The following EXOC4 variants were observed in gnomAD, a reference collection of about 807,000 sequenced individuals.
EXOC4 encodes the protein SEC8-like 1.
EXOC4 carries 71 observed loss-of-function variants against 107.2 expected under a neutral mutation model. The ratio of observed to expected loss-of-function variants is 0.66; its 90% CI spans 0.55 to 0.81. The LOEUF is 0.81. Among genes scored for constraint, EXOC4 ranks in the 30% least tolerant of loss-of-function variants. The pLI is 0.00. For synonymous variants in EXOC4, 456 were observed against 441.2 expected (o/e 1.03, Z -0.42); for missense variants, 1,108 against 1,189.6 (o/e 0.93, Z 1.01).
intron 14 of EXOC4, among the ~76,000 whole-genome samples, chr7:133,971,357 TATATAG>T (rs1303476873): frequency 2.6e-3 from 262 of 100,494 alleles, no homozygotes; most frequent in South Asian, 0.011. Context: ...TATATATATA[TATATAG>T]AGAGAGAGAG....
chr7:133,512,440 A>G (rs1799788691), intron 9 of EXOC4, among the ~76,000 whole-genome samples: 3 of 151,760 alleles, frequency 2.0e-5, no homozygotes, highest in Admixed American at 6.6e-5. Context: ...AAAAAAAAAA[A>G]GAAAATACAT....
chr7:133,669,129 A>G (rs1227997023), intron 10 of EXOC4, among the ~76,000 whole-genome samples: 8 of 148,958 alleles, frequency 5.4e-5, no homozygotes, highest in Non-Finnish European at 8.9e-5. Context: ...TCTCTTCCCC[A>G]TTACCACTAC....
At chr7:133,435,710 G>C (rs1296996770) in intron 7 of EXOC4, among the ~76,000 whole-genome samples, 1 of 152,006 alleles carries the variant, frequency 6.6e-6, no homozygotes, top group Non-Finnish European at 1.5e-5. Flanking sequence ...CTCTATCCTA[G>C]TCCCATCCAT....
At chr7:134,073,249 C>T in the EXOC4 span, among the ~76,000 whole-genome samples, 1 of 116,766 alleles carries the variant, frequency 8.6e-6, no homozygotes, top group East Asian at 2.5e-4. Context: ...AGAAAGGCCC[C>T]AGGCTATGGC....
chr7:133,387,879 A>G (rs1796762442), intron 7 of EXOC4, among the ~76,000 whole-genome samples: 1 of 152,138 alleles, frequency 6.6e-6, no homozygotes, highest in Non-Finnish European at 1.5e-5. Context: ...AGTTGAGTTC[A>G]TGGGCAAAGG....
chr7:133,475,294 A>G (rs1417087428), intron 7 of EXOC4, 34 bp from the exon 8 acceptor site: 3 of 1,539,490 alleles, frequency 1.9e-6, no homozygotes, highest in Admixed American at 1.9e-5. Context: ...AAAAATGTGT[A>G]TATTAACATT....
At chr7:133,509,616 G>C (rs928293858) in intron 9 of EXOC4, among the ~76,000 whole-genome samples, 3 of 152,146 alleles carry the variant, frequency 2.0e-5, no homozygotes, top group Non-Finnish European at 2.9e-5. Flanking sequence ...CACTAGTAGA[G>C]CAGGAAGGAG....
Position 133,846,392 on chromosome 7 carries a change from C to T in EXOC4, c.1734+28848C>T, listed in dbSNP as rs571703196. On this transcript the variant is annotated intron_variant, in intron 11 of 17. Transcript: ENST00000253861. The stretch of plus-strand genomic sequence containing the variant: ...AACCACAGCCTTTTACCACCCTTAA[C>T]TGAGCTGTGTGTGGGTGGCTTGCAT... 2.6e-5 allele frequency among the ~76,000 whole-genome samples: 4 copies of T among 152,314 alleles called. No individual in the cohort carries two copies. In the South Asian group the frequency reaches 8.3e-4, roughly 32 times the overall value.
At chr7:133,701,737 A>G (rs1794659191) in intron 10 of EXOC4, among the ~76,000 whole-genome samples, 1 of 152,184 alleles carries the variant, frequency 6.6e-6, no homozygotes, top group Non-Finnish European at 1.5e-5. Flanking sequence ...TTGCATGTAT[A>G]TAAAATGAGA....
intron 7 of EXOC4, 90 bp downstream of exon 7, chr7:133,375,092 C>T (rs2150690035): frequency 9.5e-7 from 1 of 1,049,426 alleles, no homozygotes; most frequent in Non-Finnish European, 1.4e-6. Context: ...ACCTAAAACA[C>T]TATCTTAAGA....
At chr7:133,860,546 T>A (rs1311905255) in intron 11 of EXOC4, among the ~76,000 whole-genome samples, 1 of 152,246 alleles carries the variant, frequency 6.6e-6, no homozygotes, top group East Asian at 1.9e-4. Flanking sequence ...CCCTTACAGC[T>A]GCTTTGTGAC....
At chr7:133,859,573 G>A (rs1242017374) in intron 11 of EXOC4, among the ~76,000 whole-genome samples, 1 of 152,108 alleles carries the variant, frequency 6.6e-6, no homozygotes, top group Non-Finnish European at 1.5e-5. Flanking sequence ...GTGGTTTACA[G>A]TCATTAGCAC....
intron 10 of EXOC4, among the ~76,000 whole-genome samples, chr7:133,741,755 G>C (rs183304644): frequency 3.3e-5 from 5 of 152,190 alleles, no homozygotes; most frequent in African/African-American, 1.2e-4. Flanking sequence ...TTTCACTAAG[G>C]CATGTTTGAA....
intron 5 of EXOC4, among the ~76,000 whole-genome samples, chr7:133,353,822 T>C (rs1169992610): frequency 6.6e-6 from 1 of 152,090 alleles, no homozygotes; most frequent in East Asian, 1.9e-4. Flanking sequence ...TTTTTCATTC[T>C]GTTCTTAGAT....
At chr7:133,255,034 C>T (rs1333269580) in intron 1 of EXOC4, among the ~76,000 whole-genome samples, 1 of 151,956 alleles carries the variant, frequency 6.6e-6, no homozygotes, top group African/African-American at 2.4e-5. Flanking sequence ...GAACCCCCTA[C>T]TGCTTGATGG....
At chr7:133,296,092 G>C (rs1408789376) in intron 3 of EXOC4, among the ~76,000 whole-genome samples, 3 of 152,042 alleles carry the variant, frequency 2.0e-5, no homozygotes, top group African/African-American at 7.2e-5. Flanking sequence ...AAAGACTGAG[G>C]CCAATATTCT....
chr7:133,553,886 A>G lies in EXOC4; in HGVS notation c.1417+73748A>G, dbSNP rs138411978. ...GTTTCTCCCGCCTCCACCCATGTCT[A>G]TTCTTTGGTGCTTACATTTGTACTT... On this transcript the variant is annotated intron_variant, in intron 9 of 17. Transcript: ENST00000253861. Among the ~76,000 whole-genome samples the G allele has an allele frequency of 9.5e-4, 145 of 152,208 alleles. 1 individual carries two copies. The highest frequency in any genetic ancestry group is 2.1e-3 in the East Asian group (11 of 5,174).
intron 2 of EXOC4, among the ~76,000 whole-genome samples, chr7:133,281,071 C>T (rs188520759): frequency 6.6e-6 from 1 of 151,994 alleles, no homozygotes; most frequent in East Asian, 1.9e-4. Flanking sequence ...TGAGGGGAGC[C>T]TCTCAGAATT....
chr7:133,623,056 A>G (rs898677298), intron 9 of EXOC4, among the ~76,000 whole-genome samples: 1 of 152,154 alleles, frequency 6.6e-6, no homozygotes, highest in Non-Finnish European at 1.5e-5. Flanking sequence ...TGAAGTGAGT[A>G]TTTTTATGTA....
Sources: gnomAD v4.1 joint callset for allele counts (sites outside exome capture counted in the v4.1 genomes callset) on GRCh38, gnomAD v4.1.1 for gene constraint, MANE v1.5 for transcripts, NCBI Gene and HGNC (gene_info 2026-07-23, HGNC 2026-07-21) for gene names.